The following HELB variants were observed in gnomAD, a reference collection of about 807,000 sequenced individuals.
The protein encoded by HELB is DNA helicase B.
A neutral mutation model predicts 101.7 loss-of-function variants in HELB; 96 were observed. The ratio of observed to expected loss-of-function variants is 0.94; its 90% CI spans 0.80 to 1.12. The LOEUF (loss-of-function observed/expected upper bound fraction) is 1.12, where lower values mean the gene tolerates loss of function less well. Ranked by LOEUF, HELB falls within the 50% of genes most tolerant of loss-of-function variation. The probability of loss-of-function intolerance (pLI) is 0.00; values close to 1 mark genes in which losing one functional copy is unlikely to be tolerated. For synonymous variants in HELB, 437 were observed against 459.7 expected (o/e 0.95, Z 0.63); for missense variants, 1,210 against 1,291.9 (o/e 0.94, Z 0.97).
In HELB at chr12:66,324,032, A is replaced by G; in HGVS notation, c.2347A>G (p.Thr783Ala). The change falls in exon 10 of 13, where the codon ACC (threonine) becomes GCC (alanine). Residue 783 changes from threonine to alanine, a missense_variant. This residue lies in a region of HELB where 740 missense variants were observed against 728.8 expected (regional missense o/e 1.02). Coordinates refer to ENST00000247815, the MANE Select transcript of HELB (RefSeq NM_001370285.1). The part of the protein sequence containing the change: ...VFGIGDKICC[T>A]RNAYLSDLLP... ...TGGAATTGGTGATAAAATTTGTTGT[A>G]CCAGGAATGCATACCTCTCAGACTT... The G allele has an allele frequency of 6.2e-7, 1 of 1,613,664 alleles. No homozygotes were observed. The highest frequency in any genetic ancestry group is 8.5e-7 in the Non-Finnish European group (1 of 1,179,700).
chr12:66,322,755 T>G lies in HELB; in HGVS notation c.2269T>G (p.Cys757Gly), dbSNP rs2053685917. 1 of 1,611,102 alleles carries G rather than the reference T, an allele frequency of 6.2e-7. No homozygotes were observed. Among genetic ancestry groups the G allele is most frequent in the Admixed American group, 1.7e-5 (1 of 59,754 alleles). Reference protein sequence around the residue: ...QDCDLINDCCCKHYTGHLTKD... With the variant: ...QDCDLINDCCGKHYTGHLTKD... ...CTGTGATCTAATTAATGACTGCTGC[T>G]GCAAACACTACACAGGCCACCTCAC... The change falls in exon 9 of 13, where the codon TGC becomes GGC. Residue 757 changes from cysteine (C) to glycine (G), a missense_variant. This residue lies in a region of HELB where 740 missense variants were observed against 728.8 expected (regional missense o/e 1.02). Coordinates refer to ENST00000247815, the MANE Select transcript of HELB (RefSeq NM_001370285.1).
intron 6 of HELB, 55 bp downstream of exon 6, chr12:66,315,438 A>C: frequency 7.3e-7 from 1 of 1,360,622 alleles, no homozygotes; most frequent in Non-Finnish European, 9.8e-7. Context: ...AAATTTAAAA[A>C]ATGGCCTTTG....
chr12:66,338,078 GCC>G lies in HELB; in HGVS notation c.3242_3243del (p.Pro1081HisfsTer3). The G allele has an allele frequency of 6.3e-7, 1 of 1,586,622 alleles. No homozygotes were observed. The highest frequency in any genetic ancestry group is 8.7e-7 in the Non-Finnish European group (1 of 1,155,536). ...NNLIPRQLFK[P>X]TDNQET ...ATTTAATTCCCAGGCAACTTTTCAA[GCC>G]CACCGATAATCAAGAAACTTAGTTT... On this transcript the variant is annotated frameshift_variant, in exon 13 of 13. Transcript: ENST00000247815. LOFTEE classifies it high-confidence loss of function.
chr12:66,321,804 T>G, intron 7 of HELB, 144 bp from the exon 8 acceptor site: 3 of 538,330 alleles, frequency 5.6e-6, no homozygotes, highest in Non-Finnish European at 1.0e-5. Flanking sequence ...GGAATGAGGT[T>G]GACATTCCCA....
intron 12 of HELB, among the ~76,000 whole-genome samples, chr12:66,333,927 A>T (rs929564179): frequency 1.3e-5 from 2 of 152,060 alleles, no homozygotes; most frequent in Non-Finnish European, 2.9e-5. Flanking sequence ...TGGGAGGCGG[A>T]GGTGAGAGAA....
chr12:66,322,005 C>G lies in HELB; in HGVS notation c.2213C>G (p.Thr738Arg). The G allele has an allele frequency of 1.7e-6, 2 of 1,168,082 alleles. No individual in the cohort carries two copies. The highest frequency in any genetic ancestry group is 1.3e-5 in the South Asian group (1 of 75,476). The allele number at this position is 1,168,082 out of a possible 1,614,324, so 72.4% of individuals were successfully genotyped here. ...GAAAATAACTTACAAAATGCAAAAA[C>G]ATCACAATTTATTGCATTTAGAAGG... ...LQENNLQNAK[T>R]SQFIAFRRQD... is the part of the protein sequence containing the mutation. The change falls in exon 8 of 13, where the codon ACA becomes AGA. Residue 738 changes from threonine to arginine, a missense_variant. Thr to Arg is a moderately conservative substitution (Grantham distance 71, BLOSUM62 -1). This residue lies in a region of HELB where 740 missense variants were observed against 728.8 expected (regional missense o/e 1.02). Transcript: ENST00000247815.
At chr12:66,318,819 G>A (rs759658016) in intron 7 of HELB, 27 bp downstream of exon 7, 1 of 1,542,182 alleles carries the variant, frequency 6.5e-7, no homozygotes, top group Non-Finnish European at 8.8e-7. Flanking sequence ...ATGAGATGTA[G>A]AGTTAAGTAT....
At chr12:66,317,537 C>T (rs1352229304) in intron 6 of HELB, among the ~76,000 whole-genome samples, 7 of 152,186 alleles carry the variant, frequency 4.6e-5, no homozygotes, top group Admixed American at 1.3e-4. Flanking sequence ...GTCCAAGAAA[C>T]GTGGAGGAAT....
rs2053527039 is a variant in HELB, at chr12:66,310,286, C to T, written c.1358C>T (p.Pro453Leu). ...VQLDQDQVEV[P>L]LDRDQVAALE... ...CTGGATCAGGATCAGGTTGAAGTTC[C>T]ACTGGATCGGGATCAGGTGGCTGCT... The change falls in exon 4 of 13, where the codon CCA becomes CTA. Residue 453 changes from proline (P) to leucine (L), a missense_variant. This residue lies in a region of HELB where 470 missense variants were observed against 563.1 expected (regional missense o/e 0.83). Coordinates refer to ENST00000247815, the MANE Select transcript of HELB (RefSeq NM_001370285.1). The T allele has an allele frequency of 3.1e-6, 5 of 1,614,088 alleles. No individual in the cohort carries two copies. The South Asian group carries it at 3.3e-5, about 11-fold the overall frequency.
chr12:66,324,927 T>C, intron 10 of HELB, 56 bp from the exon 11 acceptor site: 2 of 1,598,020 alleles, frequency 1.3e-6, no homozygotes, highest in Non-Finnish European at 1.7e-6. Flanking sequence ...TTTGAACGTA[T>C]TTGAACGTAG....
intron 9 of HELB, 39 bp downstream of exon 9, chr12:66,322,822 C>T: frequency 7.3e-7 from 1 of 1,373,630 alleles, no homozygotes; most frequent in South Asian, 1.3e-5. Context: ...AAGGACAGTC[C>T]TTCTTCGATT....
intron 6 of HELB, among the ~76,000 whole-genome samples, chr12:66,317,399 A>C (rs2137000388): frequency 6.6e-6 from 1 of 152,328 alleles, no homozygotes; most frequent in Non-Finnish European, 1.5e-5. Flanking sequence ...AATAGGGTAG[A>C]CAGTGTGGGT....
intron 5 of HELB, among the ~76,000 whole-genome samples, chr12:66,314,954 A>G (rs1373700844): frequency 6.7e-6 from 1 of 150,258 alleles, no homozygotes; most frequent in Non-Finnish European, 1.5e-5. Context: ...GACATTGAAC[A>G]TGATTGAAAA....
chr12:66,331,582 A>T lies in HELB; in HGVS notation c.3099A>T (p.Lys1033Asn), dbSNP rs1309010682. ...TAGATACAGATGATGATTTACCAAA[A>T]TCGCGAGCATCCAAAAGAACCTGTG... ...DGVDTDDDLP[K>N]SRASKRTCGV... is the part of the protein sequence containing the mutation. Residue 1033 changes from lysine to asparagine, a missense_variant, in exon 12 of 13, where the codon AAA becomes AAT. By Grantham distance (94) the Lys-to-Asn change is moderately conservative. Transcript: ENST00000247815. 1 of 1,612,600 alleles carries T rather than the reference A, an allele frequency of 6.2e-7. No individual in the cohort carries two copies. The highest frequency in any genetic ancestry group is 1.7e-5 in the Admixed American group (1 of 60,000).
At chr12:66,325,796 A>G (rs1445846415) in intron 11 of HELB, among the ~76,000 whole-genome samples, 2 of 152,082 alleles carry the variant, frequency 1.3e-5, no homozygotes, top group East Asian at 1.9e-4. Flanking sequence ...ATACAGTTTC[A>G]TTATAAAGTT....
At chr12:66,322,936 A>G (rs1427230501) in intron 9 of HELB, among the ~76,000 whole-genome samples, 153 bp downstream of exon 9, 1 of 151,830 alleles carries the variant, frequency 6.6e-6, no homozygotes, top group Non-Finnish European at 1.5e-5. Flanking sequence ...TCAATTAAAT[A>G]CAATATATGA....
chr12:66,326,011 A>G (rs927221611), intron 11 of HELB, among the ~76,000 whole-genome samples: 2 of 152,164 alleles, frequency 1.3e-5, no homozygotes, highest in African/African-American at 4.8e-5. Flanking sequence ...CTAAGAAATT[A>G]CTATTGCTGT....
chr12:66,329,553 T>C (rs2053781163), intron 11 of HELB, among the ~76,000 whole-genome samples: 1 of 152,180 alleles, frequency 6.6e-6, no homozygotes, highest in Non-Finnish European at 1.5e-5. Context: ...AAGCTGGCTC[T>C]TGAAGGGCTT....
chr12:66,305,746 TAAAA>T (rs11340576), intron 2 of HELB, among the ~76,000 whole-genome samples: 1 of 147,242 alleles, frequency 6.8e-6, no homozygotes, highest in Non-Finnish European at 1.5e-5. Context: ...CCGTCTCAGT[TAAAA>T]AAAAAAAAAA....
Sources: gnomAD v4.1 joint callset for allele counts (sites outside exome capture counted in the v4.1 genomes callset) on GRCh38, gnomAD v4.1.1 for gene constraint, gnomAD v4.1.1 regional missense constraint, MANE v1.5 for transcripts, NCBI Gene and HGNC (gene_info 2026-07-23, HGNC 2026-07-21) for gene names.